Variants in FGL1 observed in about 807,000 individuals in gnomAD.
FGL1 encodes the protein fibrinogen-like protein 1.
Under a neutral mutation model 43.7 loss-of-function variants are expected in FGL1, and 59 were observed. The observed-to-expected ratio is 1.35, with a 90% CI of 1.10 to 1.68. The LOEUF is 1.68. FGL1 is among the 40% of genes most tolerant of loss of function. FGL1 has a pLI of 0.00. For synonymous variants in FGL1, 192 were observed against 126.5 expected (o/e 1.52, Z -3.48); for missense variants, 596 against 373.0 (o/e 1.60, Z -4.92).
intron 3 of FGL1, among the ~76,000 whole-genome samples, chr8:17,875,376 T>C (rs1356759509): frequency 1.3e-5 from 2 of 152,226 alleles, no homozygotes; most frequent in Non-Finnish European, 1.5e-5. Flanking sequence ...TGCTAAAAAC[T>C]GCAAGCTTCT....
chr8:17,882,262 G>C, intron 2 of FGL1, 83 bp from the exon 3 acceptor site: 1 of 1,301,932 alleles, frequency 7.7e-7, no homozygotes, highest in South Asian at 1.6e-5. Context: ...ATAAATCAGT[G>C]ATTCCATTTT....
At chr8:17,867,785 CTT>C (rs1345332603) in intron 7 of FGL1, among the ~76,000 whole-genome samples, 6 of 152,146 alleles carry the variant, frequency 3.9e-5, no homozygotes, top group Non-Finnish European at 8.8e-5. Flanking sequence ...CAATTTAAAA[CTT>C]ATGAATTCGG....
intron 1 of FGL1, among the ~76,000 whole-genome samples, chr8:17,890,075 A>C (rs2053683403): frequency 6.6e-6 from 1 of 152,070 alleles, no homozygotes. Flanking sequence ...ATGAAATCTC[A>C]CGATGTCTTT....
intron 5 of FGL1, among the ~76,000 whole-genome samples, chr8:17,870,093 G>C (rs1229684670): frequency 1.3e-5 from 2 of 152,036 alleles, no homozygotes; most frequent in African/African-American, 4.8e-5. Context: ...CTGGGCGACA[G>C]AGCGAGACTC....
At chr8:17,867,204 A>G (rs35304826) in intron 7 of FGL1, among the ~76,000 whole-genome samples, 1 of 152,338 alleles carries the variant, frequency 6.6e-6, no homozygotes, top group Non-Finnish European at 1.5e-5. Flanking sequence ...AATTCTATAT[A>G]TTGATACTAT....
At chr8:17,875,544 T>TCTTTC (rs2053439502) in intron 3 of FGL1, among the ~76,000 whole-genome samples, 2 of 13,360 alleles carry the variant, frequency 1.5e-4, no homozygotes, top group Non-Finnish European at 4.7e-4. Flanking sequence ...TCTCTTTCTT[T>TCTTTC]CTTTCTTTCT....
chr8:17,870,870 C>CA (rs1186973795), intron 5 of FGL1, among the ~76,000 whole-genome samples: 3 of 151,744 alleles, frequency 2.0e-5, no homozygotes, highest in African/African-American at 7.3e-5. Flanking sequence ...CGCGCCACTG[C>CA]ACTCCAGCCT....
rs1272838243 is a variant in FGL1, at chr8:17,875,543, T to TTCTCTCTCTCTCTCTCTCTCTC, written c.245-1023_245-1022insGAGAGAGAGAGAGAGAGAGAGA. ...TCTTTCTTTCTTTCTTTCTCTTTCT[T>TTCTCTCTCTCTCTCTCTCTCTC]TCTTTCTTTCTTTCTTTCTTTCTTT... On this transcript the variant is annotated intron_variant, in intron 3 of 7. Coordinates refer to ENST00000427924, the MANE Select transcript of FGL1 (RefSeq NM_004467.4). 2.4e-4 allele frequency among the ~76,000 whole-genome samples: 4 copies of TTCTCTCTCTCTCTCTCTCTCTC among 16,828 alleles called. 1 individual carries two copies. Among genetic ancestry groups the TTCTCTCTCTCTCTCTCTCTCTC allele is most frequent in the African/African-American group, 6.7e-4 (4 of 5,984 alleles). 11.0% of individuals were successfully genotyped at this position (16,828 alleles called of 152,430 possible).
At chr8:17,871,371 A>G (rs901017753) in intron 5 of FGL1, among the ~76,000 whole-genome samples, 4 of 151,204 alleles carry the variant, frequency 2.6e-5, no homozygotes, top group Admixed American at 1.3e-4. Context: ...GTGTGCGCCT[A>G]TAATCCCAGC....
rs191200981 is a variant in FGL1 at position 17,869,647 on chromosome 8, C to T, written c.503-643G>A. Among the ~76,000 whole-genome samples, 34 of 152,240 alleles carry T rather than the reference C, an allele frequency of 2.2e-4. 1 individual carries two copies. The East Asian group carries it at 6.6e-3, about 29-fold the overall frequency. On this transcript the variant is annotated intron_variant, in intron 5 of 7. Transcript: ENST00000427924. ...GCATCAAAGTATGTAGAGTGGATGT[C>T]ATTGGAAGAGAATTTCAGAGGCAAT...
At chr8:17,887,664 G>A (rs2053649072) in intron 1 of FGL1, among the ~76,000 whole-genome samples, 1 of 152,052 alleles carries the variant, frequency 6.6e-6, no homozygotes, top group South Asian at 2.1e-4. Context: ...GTGAAACCCT[G>A]TCTCTATAAA....
chr8:17,881,192 A>T (rs2053530353), intron 3 of FGL1, among the ~76,000 whole-genome samples: 1 of 147,904 alleles, frequency 6.8e-6, no homozygotes, highest in Non-Finnish European at 1.5e-5. Context: ...GCTGGAGTGC[A>T]GTGGCACGAT....
chr8:17,875,822 G>C (rs1218683329), intron 3 of FGL1, among the ~76,000 whole-genome samples: 2 of 152,104 alleles, frequency 1.3e-5, no homozygotes, highest in Non-Finnish European at 2.9e-5. Flanking sequence ...GGCCAGACTG[G>C]TCTCAAACTC....
intron 5 of FGL1, among the ~76,000 whole-genome samples, chr8:17,872,687 C>G (rs2053382255): frequency 6.6e-6 from 1 of 152,100 alleles, no homozygotes. Context: ...CAGGATCAGA[C>G]TTGAGTGGGA....
At chr8:17,874,603 T>A (rs571666396) in intron 3 of FGL1, 82 bp from the exon 4 acceptor site, 2 of 1,043,576 alleles carry the variant, frequency 1.9e-6, no homozygotes, top group Admixed American at 2.3e-5. Context: ...ATGAGACTAC[T>A]CAGTATCACT....
chr8:17,875,459 C>T (rs1350357859), intron 3 of FGL1, among the ~76,000 whole-genome samples: 1 of 151,676 alleles, frequency 6.6e-6, no homozygotes, highest in African/African-American at 2.4e-5. Flanking sequence ...GTAGCTACCC[C>T]TTTGTCACCA....
At chr8:17,882,225 G>A in intron 2 of FGL1, 46 bp from the exon 3 acceptor site, 1 of 1,489,308 alleles carries the variant, frequency 6.7e-7, no homozygotes, top group East Asian at 2.4e-5. Flanking sequence ...CATTTTCATG[G>A]AAAACAAGTG....
chr8:17,885,313 G>GT (rs1210767645), intron 2 of FGL1, among the ~76,000 whole-genome samples, 179 bp downstream of exon 2: 1 of 152,108 alleles, frequency 6.6e-6, no homozygotes, highest in Non-Finnish European at 1.5e-5. Flanking sequence ...CTGCAAAAAT[G>GT]TAAAGCGCTT....
rs189005551 is a variant in FGL1, at chr8:17,871,013, G to A, written c.503-2009C>T. Among the ~76,000 whole-genome samples the A allele has an allele frequency of 2.6e-5, 4 of 151,824 alleles. No individual in the cohort carries two copies. In the East Asian group the frequency reaches 7.8e-4, roughly 30 times the overall value. On this transcript the variant is annotated intron_variant, in intron 5 of 7. Transcript: ENST00000427924. ...AACAAACTCAAGGCTGTTGGGGCAGGGAATGCTGGATTCCTCAAGACTGGA... is the reference window on the plus strand; with the variant it reads ...AACAAACTCAAGGCTGTTGGGGCAGAGAATGCTGGATTCCTCAAGACTGGA...
Sources: gnomAD v4.1 joint callset for allele counts (sites outside exome capture counted in the v4.1 genomes callset) on GRCh38, gnomAD v4.1.1 for gene constraint, MANE v1.5 for transcripts, NCBI Gene and HGNC (gene_info 2026-07-23, HGNC 2026-07-21) for gene names.